The following MAMDC2 variants were observed in gnomAD, a reference collection of about 807,000 sequenced individuals.
MAMDC2 encodes the protein MAM domain containing 2, also known as MAM domain-containing protein 2.
A neutral mutation model predicts 89.8 loss-of-function variants in MAMDC2; 57 were observed. The ratio of observed to expected loss-of-function variants is 0.63; its 90% confidence interval spans 0.51 to 0.79. The LOEUF is 0.79. Ranked by LOEUF, MAMDC2 falls within the 30% of genes least tolerant of loss-of-function variation. MAMDC2 has a pLI of 0.00. For missense variants in MAMDC2, 800 were observed against 820.6 expected (o/e 0.97, Z 0.31); for synonymous variants, 313 against 293.4 (o/e 1.07, Z -0.68).
intron 2 of MAMDC2, among the ~76,000 whole-genome samples, chr9:70,052,798 A>G (rs1465012293): frequency 1.3e-5 from 2 of 152,228 alleles, no homozygotes; most frequent in Non-Finnish European, 2.9e-5. Flanking sequence ...CCTTCCTACC[A>G]TGGGACTTCA....
At chr9:70,062,193 C>G (rs1023889909) in intron 2 of MAMDC2, among the ~76,000 whole-genome samples, 1 of 151,422 alleles carries the variant, frequency 6.6e-6, no homozygotes, top group African/African-American at 2.4e-5. Context: ...TTTTTAATTT[C>G]AAAAAATCAG....
intron 7 of MAMDC2, among the ~76,000 whole-genome samples, chr9:70,138,892 G>A (rs2031097616): frequency 6.6e-6 from 1 of 152,104 alleles, no homozygotes; most frequent in South Asian, 2.1e-4. Context: ...TACTACTGAT[G>A]TCAAAGTAGA....
intron 2 of MAMDC2, among the ~76,000 whole-genome samples, chr9:70,085,164 C>T (rs1430340597): frequency 3.3e-5 from 5 of 152,044 alleles, no homozygotes; most frequent in Admixed American, 1.3e-4. Flanking sequence ...AAATTAGGTG[C>T]GATAAGGCAT....
intron 2 of MAMDC2, chr9:70,083,821 A>G (rs181724637): frequency 2.6e-5 from 4 of 152,034 alleles, no homozygotes; most frequent in East Asian, 3.9e-4. Flanking sequence ...TGTGGGTTCA[A>G]TTTGCTATTA....
intron 2 of MAMDC2, among the ~76,000 whole-genome samples, chr9:70,065,962 G>A (rs2118056300): frequency 6.6e-6 from 1 of 152,248 alleles, no homozygotes; most frequent in East Asian, 1.9e-4. Context: ...GATACCCACA[G>A]TATTTCAAAT....
chr9:70,126,088 A>T, intron 5 of MAMDC2, 71 bp from the exon 6 acceptor site: 1 of 1,454,784 alleles, frequency 6.9e-7, no homozygotes, highest in East Asian at 2.3e-5. Flanking sequence ...GAATCACACC[A>T]TTTCGCCTGA....
At chr9:70,068,013 T>C (rs1563939239) in intron 2 of MAMDC2, among the ~76,000 whole-genome samples, 1 of 152,188 alleles carries the variant, frequency 6.6e-6, no homozygotes, top group African/African-American at 2.4e-5. Flanking sequence ...GTGTATCCCA[T>C]AAAGAGTCCT....
chr9:70,080,273 A>G (rs1175026557), intron 2 of MAMDC2, among the ~76,000 whole-genome samples: 1 of 152,190 alleles, frequency 6.6e-6, no homozygotes, highest in African/African-American at 2.4e-5. Flanking sequence ...TAGAAACATT[A>G]TTTTTAAAGC....
chr9:70,194,790 C>T (rs1157280669), intron 11 of MAMDC2, among the ~76,000 whole-genome samples: 2 of 152,022 alleles, frequency 1.3e-5, no homozygotes, highest in Non-Finnish European at 2.9e-5. Flanking sequence ...TTTTCTTGGA[C>T]TCCTTGTTTT....
intron 5 of MAMDC2, among the ~76,000 whole-genome samples, chr9:70,119,775 C>G (rs982787949): frequency 1.3e-5 from 2 of 152,184 alleles, no homozygotes; most frequent in African/African-American, 4.8e-5. Context: ...TGTACTGCTT[C>G]TGGCTGCTTC....
intron 2 of MAMDC2, among the ~76,000 whole-genome samples, chr9:70,099,638 T>C (rs1399575513): frequency 6.6e-6 from 1 of 152,048 alleles, no homozygotes; most frequent in Non-Finnish European, 1.5e-5. Flanking sequence ...CAGTCACAGA[T>C]ACTTGGAAGA....
intron 2 of MAMDC2, among the ~76,000 whole-genome samples, chr9:70,103,204 C>G (rs2975873): frequency 0.064 from 9,738 of 152,168 alleles, 991 homozygotes; most frequent in African/African-American, 0.21. Flanking sequence ...TGTTAAAACA[C>G]TGAACTTTAT....
chr9:70,091,794 A>G (rs889149494), intron 2 of MAMDC2, among the ~76,000 whole-genome samples: 1 of 152,192 alleles, frequency 6.6e-6, no homozygotes, highest in African/African-American at 2.4e-5. Context: ...CACAGTTGCT[A>G]TCAGTGTTAT....
intron 2 of MAMDC2, among the ~76,000 whole-genome samples, chr9:70,078,201 G>C (rs1563943542): frequency 6.6e-6 from 1 of 152,120 alleles, no homozygotes. Context: ...CTCTGTAAGA[G>C]CACACACCAT....
At chr9:70,211,660 G>A (rs955588341) in intron 11 of MAMDC2, among the ~76,000 whole-genome samples, 8 of 152,134 alleles carry the variant, frequency 5.3e-5, no homozygotes, top group South Asian at 4.1e-4. Context: ...GCTTTGTTCC[G>A]TTACTGATGA....
chr9:70,136,089 T>C (rs2030994928), intron 7 of MAMDC2, among the ~76,000 whole-genome samples: 1 of 152,140 alleles, frequency 6.6e-6, no homozygotes, highest in South Asian at 2.1e-4. Context: ...AGGCAGAGGC[T>C]ACAGTGAGCC....
At position 70,044,602 on chromosome 9, in the gene MAMDC2, C is replaced by T. The variant is rs1216461113; in HGVS notation, c.53C>T (p.Ala18Val). The T allele has an allele frequency of 7.1e-6, 11 of 1,550,370 alleles. No homozygotes were observed. The highest frequency in any genetic ancestry group is 1.2e-5 in the South Asian group (1 of 84,006). The change falls in exon 2 of 14, where the codon GCC becomes GTC. Residue 18 changes from alanine to valine, a missense_variant. Coordinates refer to ENST00000377182, the MANE Select transcript of MAMDC2 (RefSeq NM_153267.5). Reference protein sequence around the residue: ...LALQALQLAGALDLPAGSCAF... With the variant: ...LALQALQLAGVLDLPAGSCAF... ...CCCGCAGCCCTGCAGCTCGCCGGTG[C>T]CCTCGACCTGCCCGCTGGGTCCTGT... is the stretch of plus-strand genomic sequence containing the variant.
chr9:70,054,200 C>A (rs533213652), intron 2 of MAMDC2, among the ~76,000 whole-genome samples: 1 of 152,146 alleles, frequency 6.6e-6, no homozygotes, highest in South Asian at 2.1e-4. Flanking sequence ...AGTATGGGAA[C>A]CTTTAGCAGA....
At chr9:70,153,503 T>C (rs1453121069) in intron 9 of MAMDC2, 1 of 152,226 alleles carries the variant, frequency 6.6e-6, no homozygotes, top group African/African-American at 2.4e-5. Flanking sequence ...AGCCTTTCCT[T>C]TAACAAAGAT....
Sources: gnomAD v4.1 joint callset for allele counts (sites outside exome capture counted in the v4.1 genomes callset) on GRCh38, gnomAD v4.1.1 for gene constraint, MANE v1.5 for transcripts, NCBI Gene and HGNC (gene_info 2026-07-23, HGNC 2026-07-21) for gene names.